Variants in OCA2 observed in about 807,000 individuals in gnomAD.
The protein encoded by OCA2 is P protein.
Under a neutral mutation model 100.2 loss-of-function variants are expected in OCA2, and 77 were observed. That is an observed-to-expected ratio of 0.77 (90% CI 0.64 to 0.93). The LOEUF (loss-of-function observed/expected upper bound fraction) is 0.93. Ranked by LOEUF, OCA2 falls within the 40% of genes least tolerant of loss-of-function variation. OCA2 has a pLI of 0.00. For missense variants in OCA2, 1,062 were observed against 1,089.1 expected (o/e 0.98, Z 0.35); for synonymous variants, 432 against 439.2 (o/e 0.98, Z 0.21).
chr15:27,996,428 T>A (rs12914545), intron 9 of OCA2, among the ~76,000 whole-genome samples: 10 of 151,574 alleles, frequency 6.6e-5, no homozygotes, highest in South Asian at 4.2e-4. Context: ...ACTTTATACC[T>A]CAAGGAAATA....
chr15:27,875,725 C>G (rs1423297816), intron 19 of OCA2, among the ~76,000 whole-genome samples: 1 of 151,794 alleles, frequency 6.6e-6, no homozygotes, highest in East Asian at 1.9e-4. Context: ...GTATAGGAAT[C>G]TTGAGCATAC....
At chr15:27,858,147 C>G (rs2036006955) in intron 21 of OCA2, among the ~76,000 whole-genome samples, 1 of 152,082 alleles carries the variant, frequency 6.6e-6, no homozygotes, top group South Asian at 2.1e-4. Flanking sequence ...ATTAAACTCT[C>G]CTGTTCACCT....
chr15:27,740,321 G>T, the OCA2 span, among the ~76,000 whole-genome samples: 1 of 152,036 alleles, frequency 6.6e-6, no homozygotes, highest in Non-Finnish European at 1.5e-5. Flanking sequence ...AAGATCAAAA[G>T]GTCCCCTACA....
chr15:27,829,796 A>G (rs570516503), intron 23 of OCA2, among the ~76,000 whole-genome samples: 29 of 152,364 alleles, frequency 1.9e-4, no homozygotes, highest in Non-Finnish European at 8.8e-5. Context: ...TGGCTGGTGC[A>G]GAAGATAGAT....
chr15:28,066,213 G>A (rs1378725740), intron 2 of OCA2, among the ~76,000 whole-genome samples: 1 of 152,106 alleles, frequency 6.6e-6, no homozygotes, highest in Non-Finnish European at 1.5e-5. Context: ...ACCTATCACT[G>A]AAAACTATAA....
At chr15:28,084,376 C>T (rs2044737653) in intron 1 of OCA2, among the ~76,000 whole-genome samples, 2 of 152,214 alleles carry the variant, frequency 1.3e-5, no homozygotes, top group Admixed American at 1.3e-4. Flanking sequence ...CAGGCCATGT[C>T]CCTTCTCCAA....
intron 23 of OCA2, among the ~76,000 whole-genome samples, chr15:27,833,348 C>T (rs921062379): frequency 2.6e-5 from 4 of 152,140 alleles, no homozygotes; most frequent in Admixed American, 6.5e-5. Context: ...TCCATAAATG[C>T]GGAGCTGCAC....
intron 9 of OCA2, 54 bp from the exon 10 acceptor site, chr15:27,990,701 A>G: frequency 1.3e-6 from 2 of 1,499,148 alleles, no homozygotes; most frequent in South Asian, 2.2e-5. Context: ...GAGTTAGCAC[A>G]CACGAAAGCC....
At chr15:28,009,124 C>T (rs1474650304) in intron 9 of OCA2, among the ~76,000 whole-genome samples, 1 of 152,180 alleles carries the variant, frequency 6.6e-6, no homozygotes, top group Non-Finnish European at 1.5e-5. Flanking sequence ...GTGGACCTTC[C>T]CCTAGGGAGT....
intron 18 of OCA2, among the ~76,000 whole-genome samples, chr15:27,944,984 G>A (rs2039780995): frequency 2.6e-5 from 4 of 152,152 alleles, no homozygotes; most frequent in South Asian, 2.1e-4. Context: ...TAGAGAAGAC[G>A]ACCTAGGAGA....
At chr15:27,986,087 G>C (rs1236498775) in intron 12 of OCA2, among the ~76,000 whole-genome samples, 1 of 152,204 alleles carries the variant, frequency 6.6e-6, no homozygotes, top group Non-Finnish European at 1.5e-5. Flanking sequence ...TACATGTTGA[G>C]CTCTCCTCTT....
chr15:28,093,884 G>A (rs939317721), intron 1 of OCA2, among the ~76,000 whole-genome samples: 2 of 152,130 alleles, frequency 1.3e-5, no homozygotes, highest in Non-Finnish European at 2.9e-5. Flanking sequence ...TTCTTGAAAC[G>A]GCAAAGTTAT....
At chr15:27,924,760 G>GA (rs1038365315) in intron 19 of OCA2, among the ~76,000 whole-genome samples, 2 of 152,064 alleles carry the variant, frequency 1.3e-5, no homozygotes, top group African/African-American at 2.4e-5. Flanking sequence ...ATAAAGAGAG[G>GA]AAAAAAGATA....
chr15:27,875,839 T>C (rs187973170), intron 19 of OCA2, among the ~76,000 whole-genome samples: 2 of 152,144 alleles, frequency 1.3e-5, no homozygotes, highest in African/African-American at 4.8e-5. Flanking sequence ...TATGAGAATA[T>C]ATTGATTTTT....
intron 9 of OCA2, among the ~76,000 whole-genome samples, chr15:27,993,330 T>G (rs998761513): frequency 6.6e-6 from 1 of 152,134 alleles, no homozygotes; most frequent in African/African-American, 2.4e-5. Context: ...GGAAACAGTC[T>G]CAGCTGAATA....
At chr15:27,967,134 C>T (rs897836185) in intron 14 of OCA2, among the ~76,000 whole-genome samples, 1 of 146,370 alleles carries the variant, frequency 6.8e-6, no homozygotes, top group African/African-American at 2.8e-5. Context: ...CGTCTCAAAA[C>T]AAACAAACAA....
intron 23 of OCA2, among the ~76,000 whole-genome samples, chr15:27,769,140 G>A (rs572332380): frequency 1.2e-4 from 19 of 152,226 alleles, no homozygotes; most frequent in African/African-American, 4.1e-4. Context: ...TCAGGAAAAG[G>A]GCATTTGTTC....
intron 15 of OCA2, among the ~76,000 whole-genome samples, chr15:27,965,953 C>CTATTTGTT (rs555061221): frequency 6.6e-6 from 1 of 150,812 alleles, no homozygotes; most frequent in African/African-American, 2.4e-5. Context: ...TCAGCATCTG[C>CTATTTGTT]TGTTTGTTTG....
At chr15:27,825,084 T>G (rs2034664462) in intron 23 of OCA2, among the ~76,000 whole-genome samples, 1 of 152,190 alleles carries the variant, frequency 6.6e-6, no homozygotes, top group South Asian at 2.1e-4. Flanking sequence ...ATGACAAAAT[T>G]ATCACATTAG....
Sources: gnomAD v4.1 joint callset for allele counts (sites outside exome capture counted in the v4.1 genomes callset) on GRCh38, gnomAD v4.1.1 for gene constraint, MANE v1.5 for transcripts, NCBI Gene and HGNC (gene_info 2026-07-23, HGNC 2026-07-21) for gene names.